Variants in DLG2 observed in about 807,000 individuals in gnomAD.
The protein encoded by DLG2 is discs large MAGUK scaffold protein 2, also known as disks large homolog 2.
Under a neutral mutation model 132.5 loss-of-function variants are expected in DLG2, and 45 were observed. That is an observed-to-expected ratio of 0.34 (90% CI 0.27 to 0.44). The LOEUF (loss-of-function observed/expected upper bound fraction) is 0.44. Ranked by LOEUF, DLG2 falls within the 20% of genes least tolerant of loss-of-function variation. DLG2 has a pLI of 1.00. For missense variants in DLG2, 1,045 were observed against 1,196.9 expected, an observed-to-expected ratio of 0.87 and a Z score of 1.87; for synonymous variants, 424 against 419.6, an observed-to-expected ratio of 1.01 and a Z score of -0.13.
chr11:85,060,507 G>GT (rs760448683), intron 6 of DLG2, among the ~76,000 whole-genome samples: 16 of 149,752 alleles, frequency 1.1e-4, no homozygotes, highest in Non-Finnish European at 2.1e-4. Flanking sequence ...ATATGTATAT[G>GT]TGTGTGTGTG....
chr11:84,467,711 T>G (rs2099098159), intron 7 of DLG2, among the ~76,000 whole-genome samples: 1 of 151,424 alleles, frequency 6.6e-6, no homozygotes, highest in African/African-American at 2.4e-5. Context: ...TAGGGGAATT[T>G]GAATAGGGAC....
At chr11:84,346,654 T>G (rs540677725) in intron 7 of DLG2, among the ~76,000 whole-genome samples, 1 of 152,342 alleles carries the variant, frequency 6.6e-6, no homozygotes, top group South Asian at 2.1e-4. Context: ...CTTGGCTCCC[T>G]GCAACCTTCG....
At chr11:84,915,516 A>C (rs928107220) in intron 6 of DLG2, among the ~76,000 whole-genome samples, 10 of 152,182 alleles carry the variant, frequency 6.6e-5, no homozygotes, top group African/African-American at 2.4e-4. Flanking sequence ...TTCTGAACAC[A>C]CTTGAGAATT....
intron 6 of DLG2, among the ~76,000 whole-genome samples, chr11:84,623,369 C>A (rs922096702): frequency 1.3e-5 from 2 of 152,148 alleles, no homozygotes; most frequent in African/African-American, 4.8e-5. Flanking sequence ...AAGGAAAATT[C>A]TTTCCATGAA....
intron 7 of DLG2, among the ~76,000 whole-genome samples, chr11:84,279,209 T>A (rs988487178): frequency 6.6e-6 from 1 of 151,996 alleles, no homozygotes; most frequent in Non-Finnish European, 1.5e-5. Flanking sequence ...AAAAAACATA[T>A]GAAAAAAGCT....
chr11:85,397,932 T>C (rs934676137), intron 3 of DLG2, among the ~76,000 whole-genome samples: 2 of 152,146 alleles, frequency 1.3e-5, no homozygotes, highest in East Asian at 3.8e-4. Flanking sequence ...GCGGACCTAA[T>C]AGACATCTAC....
chr11:84,490,568 G>A (rs1462620107), intron 7 of DLG2, among the ~76,000 whole-genome samples: 4 of 151,038 alleles, frequency 2.6e-5, no homozygotes, highest in Non-Finnish European at 5.9e-5. Flanking sequence ...CCTGGAAATA[G>A]GCTATTGATG....
upstream of DLG2, among the ~76,000 whole-genome samples, chr11:85,628,348 G>A (rs986400431): frequency 1.3e-5 from 2 of 152,210 alleles, no homozygotes; most frequent in African/African-American, 2.4e-5. Flanking sequence ...AGGGAGCTAA[G>A]CTGATAAATA....
intron 2 of DLG2, among the ~76,000 whole-genome samples, chr11:85,614,871 C>G (rs1404784096): frequency 6.6e-6 from 1 of 152,198 alleles, no homozygotes; most frequent in African/African-American, 2.4e-5. Flanking sequence ...ACAGTAAGTG[C>G]TGGAACCACA....
At chr11:84,515,053 CA>C (rs970650059) in intron 7 of DLG2, among the ~76,000 whole-genome samples, 2 of 151,076 alleles carry the variant, frequency 1.3e-5, no homozygotes, top group African/African-American at 4.9e-5. Context: ...GATAGACACA[CA>C]AAAAAATTAA....
chr11:83,854,455 T>C (rs566488094), intron 16 of DLG2, among the ~76,000 whole-genome samples: 42 of 152,202 alleles, frequency 2.8e-4, no homozygotes, highest in Admixed American at 9.2e-4. Flanking sequence ...AGCTTCAAAA[T>C]TTTCTATAAA....
intron 6 of DLG2, among the ~76,000 whole-genome samples, chr11:84,878,681 G>A (rs1054277112): frequency 6.6e-6 from 1 of 152,018 alleles, no homozygotes; most frequent in Non-Finnish European, 1.5e-5. Context: ...TTCTGCACAT[G>A]TATACCAGAA....
intron 15 of DLG2, among the ~76,000 whole-genome samples, chr11:83,899,343 T>A (rs577595633): frequency 6.6e-6 from 1 of 152,190 alleles, no homozygotes; most frequent in Non-Finnish European, 1.5e-5. Flanking sequence ...AAAAGCTCAG[T>A]CATGTAGGAT....
intron 3 of DLG2, among the ~76,000 whole-genome samples, chr11:85,401,142 G>A (rs576190351): frequency 2.6e-5 from 4 of 151,984 alleles, no homozygotes; most frequent in Non-Finnish European, 5.9e-5. Flanking sequence ...TATCCAACAT[G>A]ATCAAGTGGG....
chr11:84,234,381 T>A (rs953031897), intron 8 of DLG2, among the ~76,000 whole-genome samples: 2 of 152,186 alleles, frequency 1.3e-5, no homozygotes, highest in Non-Finnish European at 2.9e-5. Flanking sequence ...AATTCTTTCT[T>A]CTGAGAAGGC....
At chr11:85,463,319 A>G (rs1233501216) in intron 3 of DLG2, among the ~76,000 whole-genome samples, 1 of 152,230 alleles carries the variant, frequency 6.6e-6, no homozygotes, top group Non-Finnish European at 1.5e-5. Context: ...ACTAGGCAAT[A>G]CTGTATTTTT....
At chr11:83,842,063 T>C (rs1181116140) in intron 16 of DLG2, among the ~76,000 whole-genome samples, 1 of 152,242 alleles carries the variant, frequency 6.6e-6, no homozygotes, top group Admixed American at 6.5e-5. Context: ...ATGCAGTTTT[T>C]ATTTTTCTCT....
chr11:85,519,470 C>G (rs1464115241), intron 3 of DLG2, among the ~76,000 whole-genome samples: 2 of 152,120 alleles, frequency 1.3e-5, no homozygotes, highest in East Asian at 3.9e-4. Flanking sequence ...GCCAATGTCT[C>G]CTATTTGGAA....
intron 15 of DLG2, among the ~76,000 whole-genome samples, chr11:83,896,587 A>G (rs2071767344): frequency 6.6e-6 from 1 of 152,260 alleles, no homozygotes; most frequent in Non-Finnish European, 1.5e-5. Flanking sequence ...TTCTCTTACG[A>G]CTGAGTTTTT....
Sources: allele counts gnomAD v4.1 joint callset (sites outside exome capture counted in the v4.1 genomes callset), GRCh38; gene constraint gnomAD v4.1.1; transcripts MANE v1.5; gene names NCBI Gene and HGNC (gene_info 2026-07-23, HGNC 2026-07-21).